The following GPC5 variants were observed in gnomAD, a reference collection of about 807,000 sequenced individuals.
The protein encoded by GPC5 is glypican-5.
Under a neutral mutation model 53.9 loss-of-function variants are expected in GPC5, and 47 were observed. That is an observed-to-expected ratio of 0.87 (90% CI 0.69 to 1.11). GPC5 has a LOEUF of 1.11. GPC5 is among the 50% of genes most tolerant of loss of function. GPC5 has a pLI of 0.00. For synonymous variants in GPC5, 286 were observed against 263.3 expected (o/e 1.09, Z -0.84); for missense variants, 748 against 713.1 (o/e 1.05, Z -0.56).
chr13:92,378,403 C>G (rs1479564044), intron 7 of GPC5, among the ~76,000 whole-genome samples: 1 of 152,156 alleles, frequency 6.6e-6, no homozygotes, highest in South Asian at 2.1e-4. Context: ...CTTCACATAT[C>G]CTTAGCTTCT....
At chr13:92,282,032 G>A (rs975936395) in intron 7 of GPC5, among the ~76,000 whole-genome samples, 13 of 149,958 alleles carry the variant, frequency 8.7e-5, no homozygotes, top group African/African-American at 1.7e-4. Context: ...CCAGAATAAC[G>A]AGTGCAGAGA....
chr13:91,843,661 C>A (rs1035499959), intron 5 of GPC5, among the ~76,000 whole-genome samples: 1 of 152,142 alleles, frequency 6.6e-6, no homozygotes, highest in African/African-American at 2.4e-5. Flanking sequence ...CAGAAGACAT[C>A]TTTTGGAAAA....
chr13:92,380,335 A>G (rs918919832), intron 7 of GPC5, among the ~76,000 whole-genome samples: 1 of 152,144 alleles, frequency 6.6e-6, no homozygotes, highest in African/African-American at 2.4e-5. Context: ...CTGAAAACTC[A>G]TCAAATTTCC....
intron 2 of GPC5, among the ~76,000 whole-genome samples, chr13:91,606,948 T>C (rs9670814): frequency 0.038 from 5,693 of 151,280 alleles, 327 homozygotes; most frequent in African/African-American, 0.13. Context: ...TTTGTGTCTC[T>C]ATTTCCTTCA....
chr13:91,667,756 G>A (rs2035150665), intron 2 of GPC5, among the ~76,000 whole-genome samples: 1 of 152,194 alleles, frequency 6.6e-6, no homozygotes, highest in Non-Finnish European at 1.5e-5. Flanking sequence ...CCTGCAGATA[G>A]TAGGGCACAT....
intron 2 of GPC5, among the ~76,000 whole-genome samples, chr13:91,530,180 A>T (rs191303361): frequency 6.6e-6 from 1 of 152,358 alleles, no homozygotes; most frequent in East Asian, 1.9e-4. Flanking sequence ...TATCTTATGT[A>T]ACAAATGTGA....
intron 6 of GPC5, among the ~76,000 whole-genome samples, chr13:92,003,561 G>A (rs1002174873): frequency 1.6e-4 from 24 of 152,002 alleles, no homozygotes; most frequent in Non-Finnish European, 2.8e-4. Flanking sequence ...ATTATAGGAT[G>A]TCAGTATTTC....
chr13:92,633,172 C>T (rs921073341), intron 7 of GPC5, among the ~76,000 whole-genome samples: 15 of 152,244 alleles, frequency 9.9e-5, no homozygotes, highest in East Asian at 3.9e-4. Flanking sequence ...GGATTACAGG[C>T]GTGAGCCACC....
intron 7 of GPC5, among the ~76,000 whole-genome samples, chr13:92,227,941 A>T (rs1025254491): frequency 2.6e-5 from 4 of 152,162 alleles, no homozygotes; most frequent in African/African-American, 9.7e-5. Flanking sequence ...TTTGTGTGTC[A>T]TATGTATTAT....
At chr13:92,743,234 A>G (rs1889154117) in intron 7 of GPC5, among the ~76,000 whole-genome samples, 1 of 151,970 alleles carries the variant, frequency 6.6e-6, no homozygotes. Flanking sequence ...ATGTTCTTCC[A>G]TTTACTTGTA....
chr13:91,783,789 A>G (rs778114979), intron 5 of GPC5, among the ~76,000 whole-genome samples: 2 of 152,134 alleles, frequency 1.3e-5, no homozygotes, highest in African/African-American at 2.4e-5. Context: ...CCTTCAGAAA[A>G]TCATTGAAGT....
intron 4 of GPC5, among the ~76,000 whole-genome samples, chr13:91,744,529 A>C (rs1433414055): frequency 2.6e-5 from 4 of 152,268 alleles, no homozygotes; most frequent in Admixed American, 2.6e-4. Context: ...AATTTGTACT[A>C]AGTATATACC....
chr13:92,016,209 G>A (rs376183671), intron 6 of GPC5, among the ~76,000 whole-genome samples: 5,663 of 152,092 alleles, frequency 0.037, 148 homozygotes, highest in Middle Eastern at 0.058. Flanking sequence ...GGGTAGCAGA[G>A]GAAAAAGAAA....
intron 7 of GPC5, among the ~76,000 whole-genome samples, chr13:92,306,317 T>C (rs1363318206): frequency 2.6e-5 from 4 of 152,170 alleles, no homozygotes; most frequent in Non-Finnish European, 5.9e-5. Context: ...GCCTCTGCAA[T>C]ATAATTTGCA....
chr13:92,734,868 A>G (rs1331730374), intron 7 of GPC5, among the ~76,000 whole-genome samples: 1 of 151,892 alleles, frequency 6.6e-6, no homozygotes, highest in Non-Finnish European at 1.5e-5. Context: ...TCACTTTGTT[A>G]TTCTTCTCTA....
chr13:91,462,273 T>A (rs1881983104), intron 2 of GPC5, among the ~76,000 whole-genome samples: 4 of 152,002 alleles, frequency 2.6e-5, no homozygotes, highest in Admixed American at 6.6e-5. Flanking sequence ...CATTTGGGGG[T>A]GTTTGTAGTT....
intron 5 of GPC5, among the ~76,000 whole-genome samples, chr13:91,817,211 G>A (rs1039705008): frequency 6.6e-6 from 1 of 152,042 alleles, no homozygotes; most frequent in African/African-American, 2.4e-5. Context: ...CTTTCGACAG[G>A]AATTCGAATT....
At chr13:92,247,693 C>T (rs1243607351) in intron 7 of GPC5, among the ~76,000 whole-genome samples, 1 of 152,030 alleles carries the variant, frequency 6.6e-6, no homozygotes, top group East Asian at 1.9e-4. Context: ...GTGAAATATA[C>T]TGTTGCTCCT....
chr13:92,192,040 T>A (rs2042226235), intron 7 of GPC5, among the ~76,000 whole-genome samples: 1 of 151,990 alleles, frequency 6.6e-6, no homozygotes, highest in Non-Finnish European at 1.5e-5. Flanking sequence ...AAAGGAAAAA[T>A]TATGGTGACA....
Sources: allele counts gnomAD v4.1 joint callset (sites outside exome capture counted in the v4.1 genomes callset), GRCh38; gene constraint gnomAD v4.1.1; transcripts MANE v1.5; gene names NCBI Gene and HGNC (gene_info 2026-07-23, HGNC 2026-07-21).